The following COL20A1 variants were observed in gnomAD, a reference collection of about 807,000 sequenced individuals.
COL20A1 encodes collagen type XX alpha 1 chain.
Under a neutral mutation model 152.9 loss-of-function variants are expected in COL20A1, and 164 were observed. The ratio of observed to expected loss-of-function variants is 1.07; its 90% CI spans 0.94 to 1.22. The LOEUF is 1.22. Among genes scored for constraint, COL20A1 ranks in the 50% most tolerant of loss-of-function variants. COL20A1 has a pLI of 0.00. For synonymous variants in COL20A1, 864 were observed against 756.0 expected, an observed-to-expected ratio of 1.14 and a Z score of -2.34; for missense variants, 1,873 against 1,744.8, an observed-to-expected ratio of 1.07 and a Z score of -1.31.
rs186841420 is a variant in COL20A1 at position 63,325,809 on chromosome 20, G to C, written c.3402+88G>C. ...CCTTGGAGATGGAGGCTGTGGGGTA[G>C]GGAGGGGGAGGTGCTTTCTCCTGGG... On this transcript the variant is annotated intron_variant, in intron 29 of 35. Transcript: ENST00000358894. 156 of 1,198,440 alleles carry C rather than the reference G, an allele frequency of 1.3e-4. No individual in the cohort carries two copies. In the East Asian group the frequency reaches 3.3e-3, roughly 26 times the overall value. The allele number at this position is 1,198,440 out of a possible 1,614,324, so 74.2% of individuals were successfully genotyped here.
chr20:63,294,184 C>A (rs189320790), intron 1 of COL20A1, among the ~76,000 whole-genome samples: 7 of 2,262 alleles, frequency 3.1e-3, no homozygotes, highest in East Asian at 0.015. Context: ...GGGGAGGGGG[C>A]GTGCAGGGGA....
At position 63,313,815 on chromosome 20, in the gene COL20A1, G is replaced by A. The variant is rs1476656641; in HGVS notation, c.2282G>A (p.Trp761Ter). 4 of 1,610,998 alleles carry A rather than the reference G, an allele frequency of 2.5e-6. No homozygotes were observed. Among genetic ancestry groups the A allele is most frequent in the Non-Finnish European group, 3.4e-6 (4 of 1,179,310 alleles). ...ACCCCCGACAGCCTGCAGGTCAGCT[G>A]GACGCCCCCGCTTGGCCGCGTGCTC... The part of the protein sequence containing the change: ...SETPDSLQVS[W>*]TPPLGRVLHY... Residue 761 changes from tryptophan to a stop codon, truncating the protein, a stop_gained, in exon 18 of 36, where the codon TGG (tryptophan) becomes TAG (stop). Coordinates refer to ENST00000358894, the MANE Select transcript of COL20A1 (RefSeq NM_020882.4). LOFTEE classifies it high-confidence loss of function. This position sits in a 1 kb window ranked among gnomAD's most constrained non-coding sequence, Gnocchi z 5.9.
chr20:63,319,991 G>C lies in COL20A1; in HGVS notation c.2917-48G>C. ...GGCCTGGCCTTGGGGGCTCAGGTGGGCACCGGCCCCGCCTGGGCTGTGGAG... is the reference window on the plus strand; with the variant it reads ...GGCCTGGCCTTGGGGGCTCAGGTGGCCACCGGCCCCGCCTGGGCTGTGGAG... On this transcript the variant is annotated intron_variant, in intron 23 of 35. Transcript: ENST00000358894. The surrounding 1 kb of genome is among the most constrained non-coding windows in gnomAD (Gnocchi z 4.4). The C allele has an allele frequency of 1.3e-6, 2 of 1,538,886 alleles. No homozygotes were observed. The highest frequency in any genetic ancestry group is 2.4e-5 in the South Asian group (2 of 83,464).
chr20:63,316,667 A>G lies in COL20A1; in HGVS notation c.2639A>G (p.Asp880Gly), dbSNP rs926219478. 6.4e-7 allele frequency: 1 copy of G among 1,572,674 alleles called. No individual in the cohort carries two copies. The highest frequency in any genetic ancestry group is 1.4e-5 in the African/African-American group (1 of 74,034). The change falls in exon 21 of 36, where the codon GAC becomes GGC. Residue 880 changes from aspartate (D) to glycine (G), a missense_variant. Asp to Gly is a moderately conservative substitution (Grantham distance 94). Transcript: ENST00000358894. ...ACCCCGACCTTCACGCTCTTCAAGG[A>G]CGCCCAGCTGACAAGACGGGTCAGG... ...GGTPTFTLFK[D>G]AQLTRRVSDV...
chr20:63,296,016 G>A (rs1436488790), intron 2 of COL20A1, among the ~76,000 whole-genome samples: 2 of 152,276 alleles, frequency 1.3e-5, no homozygotes, highest in African/African-American at 4.8e-5. Context: ...ACCAGGGCCT[G>A]ACAGGCCGGG....
Position 63,325,488 on chromosome 20 carries a change from C to A in COL20A1, c.3342C>A (p.Gly1114=), listed in dbSNP as rs765439777. Residue 1114 remains glycine, a synonymous_variant, in exon 28 of 36, where the codon GGC becomes GGA. Coordinates refer to ENST00000358894, the MANE Select transcript of COL20A1 (RefSeq NM_020882.4). ...KGEKGDHGLP[G]LQGHPGHQGI... is the part of the protein sequence containing the mutation. ...AGAAGGGAGACCATGGGCTTCCAGGCTTGCAGGTAGTGTGGCTGGGGCCAG... is the reference window on the plus strand; with the variant it reads ...AGAAGGGAGACCATGGGCTTCCAGGATTGCAGGTAGTGTGGCTGGGGCCAG... 4 of 1,612,326 alleles carry A rather than the reference C, an allele frequency of 2.5e-6. No homozygotes were observed. Among genetic ancestry groups the A allele is most frequent in the Non-Finnish European group, 2.5e-6 (3 of 1,179,354 alleles).
In COL20A1 at chr20:63,305,059, C is replaced by G. The variant is rs2067906175; in HGVS notation, c.194-358C>G. Among the ~76,000 whole-genome samples, 1 of 152,188 alleles carries G rather than the reference C, an allele frequency of 6.6e-6. No individual in the cohort carries two copies. Among genetic ancestry groups the G allele is most frequent in the Non-Finnish European group, 1.5e-5 (1 of 68,034 alleles). On this transcript the variant is annotated intron_variant, in intron 3 of 35. Transcript: ENST00000358894. The surrounding 1 kb of genome is among the most constrained non-coding windows in gnomAD (Gnocchi z 4.9). ...GAGTGGGCAGGGCCCTGGCCCCGGA[C>G]TCTTCCTTCTTGGACCTGGCCCCTC...
At chr20:63,294,351 C>G (rs1443238731) in intron 1 of COL20A1, among the ~76,000 whole-genome samples, 1 of 151,658 alleles carries the variant, frequency 6.6e-6, no homozygotes, top group Non-Finnish European at 1.5e-5. Flanking sequence ...GCACTGGTCA[C>G]TGGGTTACCC....
chr20:63,295,388 A>G (rs1357951268), intron 2 of COL20A1, among the ~76,000 whole-genome samples, 199 bp downstream of exon 2: 1 of 152,228 alleles, frequency 6.6e-6, no homozygotes, highest in African/African-American at 2.4e-5. Flanking sequence ...TCGCCTTGGG[A>G]GCACATCTCT....
At chr20:63,297,882 T>C (rs779305502) in intron 2 of COL20A1, 28 bp from the exon 3 acceptor site, 2 of 1,573,852 alleles carry the variant, frequency 1.3e-6, no homozygotes, top group East Asian at 4.5e-5. Context: ...GCCAGGTCAG[T>C]CCTGACCACT....
Position 63,312,794 on chromosome 20 carries a change from A to G in COL20A1, c.1936A>G (p.Lys646Glu), listed in dbSNP as rs534587152. Residue 646 changes from lysine to glutamate, a missense_variant and splice_region_variant, in exon 16 of 36, where the codon AAA becomes GAA. Transcript: ENST00000358894. The part of the protein sequence containing the change: ...STLTGRVTTK[K>E]APSPSQLSMT... ...GCCTGTGTCTCCACTTCCTTCAGAGAAAGCTCCCAGCCCAAGCCAGCTGTC... is the reference window on the plus strand; with the variant it reads ...GCCTGTGTCTCCACTTCCTTCAGAGGAAGCTCCCAGCCCAAGCCAGCTGTC... 6 of 1,546,026 alleles carry G rather than the reference A, an allele frequency of 3.9e-6. No homozygotes were observed. In the African/African-American group the frequency reaches 8.2e-5, roughly 21 times the overall value.
intron 1 of COL20A1, among the ~76,000 whole-genome samples, chr20:63,293,759 G>T (rs1426296183): frequency 6.6e-6 from 1 of 151,976 alleles, no homozygotes; most frequent in African/African-American, 2.4e-5. Context: ...GCCCTTGGCC[G>T]GCCGGGCGGG....
At chr20:63,300,384 A>G (rs200285209) in intron 3 of COL20A1, among the ~76,000 whole-genome samples, 4 of 152,086 alleles carry the variant, frequency 2.6e-5, no homozygotes, top group Non-Finnish European at 4.4e-5. Flanking sequence ...AATTGATTCA[A>G]TTTCCTTAAC....
intron 1 of COL20A1, among the ~76,000 whole-genome samples, chr20:63,294,592 C>T (rs1042663112): frequency 1.3e-5 from 2 of 152,118 alleles, no homozygotes; most frequent in Admixed American, 1.3e-4. Flanking sequence ...CCCACTCCTA[C>T]TAGGCAGCTC....
chr20:63,308,749 G>A (rs376317722), intron 8 of COL20A1, 43 bp downstream of exon 8: 220 of 1,518,092 alleles, frequency 1.4e-4, no homozygotes, highest in South Asian at 4.0e-4. Context: ...TCTCACCGCC[G>A]GGTGGGTTTA....
chr20:63,305,685 T>C lies in COL20A1; in HGVS notation c.337+125T>C. The C allele has an allele frequency of 8.1e-7, 1 of 1,229,416 alleles. No homozygotes were observed. Among genetic ancestry groups the C allele is most frequent in the East Asian group, 2.5e-5 (1 of 39,340 alleles). 76.2% of individuals were successfully genotyped at this position (1,229,416 alleles called of 1,614,324 possible). On this transcript the variant is annotated intron_variant, in intron 4 of 35. Coordinates refer to ENST00000358894, the MANE Select transcript of COL20A1 (RefSeq NM_020882.4). This position sits in a 1 kb window ranked among gnomAD's most constrained non-coding sequence, Gnocchi z 4.9. ...CCAGGGGTGGGTATGTGTGAAGCAG[T>C]TCTGGGCTGTGCTAGGGGCAGGTTC...
intron 15 of COL20A1, 117 bp downstream of exon 15, chr20:63,312,666 T>TGGG: frequency 6.9e-7 from 1 of 1,457,470 alleles, no homozygotes; most frequent in Admixed American, 2.1e-5. Flanking sequence ...CTGAGCCAGG[T>TGGG]GGGGATGGGC....
chr20:63,322,698 A>G (rs1447243169), intron 27 of COL20A1, among the ~76,000 whole-genome samples: 4 of 152,140 alleles, frequency 2.6e-5, no homozygotes, highest in Non-Finnish European at 5.9e-5. Context: ...GATTCTAAAC[A>G]TTTACCTAAA....
In COL20A1 at chr20:63,312,835, A is replaced by G; in HGVS notation, c.1977A>G (p.Pro659=). ...GCCAGCTGTCCATGACGGAGCTGCC[A>G]GGGGATGCAGTCCAGCTGGCGTGGG... ...SPSQLSMTEL[P]GDAVQLAWVA... is the part of the protein sequence containing the mutation. The change falls in exon 16 of 36, where the codon CCA becomes CCG. Residue 659 remains proline (P), a synonymous_variant. Transcript: ENST00000358894. 2.6e-6 allele frequency: 4 copies of G among 1,561,290 alleles called. No individual in the cohort carries two copies. The highest frequency in any genetic ancestry group is 3.5e-6 in the Non-Finnish European group (4 of 1,152,740).
Sources: allele counts gnomAD v4.1 joint callset (sites outside exome capture counted in the v4.1 genomes callset), GRCh38; gene constraint gnomAD v4.1.1; non-coding constraint Gnocchi (gnomAD v3.1); transcripts MANE v1.5; gene names NCBI Gene and HGNC (gene_info 2026-07-23, HGNC 2026-07-21).